The following SFRP5 variants were observed in gnomAD, a reference collection of about 807,000 sequenced individuals.
The protein encoded by SFRP5 is secreted frizzled related protein 5.
A neutral mutation model predicts 27.0 loss-of-function variants in SFRP5; 22 were observed. The ratio of observed to expected loss-of-function variants is 0.82; its 90% confidence interval spans 0.58 to 1.17. The LOEUF is 1.17. Ranked by LOEUF, SFRP5 falls within the 50% of genes most tolerant of loss-of-function variation. The pLI, the probability that SFRP5 is intolerant of heterozygous loss-of-function variation, is 0.00. For synonymous variants in SFRP5, 171 were observed against 195.0 expected (o/e 0.88, Z 1.03); for missense variants, 406 against 436.6 (o/e 0.93, Z 0.63).
In SFRP5 at chr10:97,767,364, G is replaced by A. The variant is rs2049490281; in HGVS notation, c.*150C>T. On this transcript the variant is annotated 3_prime_UTR_variant, in exon 3 of 3. Transcript: ENST00000266066. ...ACCCCAGGACCCCTGGGTCAAAAAG[G>A]ACAGCCTGGGCTCCGTGCCCATCCC... is the stretch of plus-strand genomic sequence containing the variant. The A allele has an allele frequency of 1.6e-6, 1 of 613,978 alleles. No homozygotes were observed. The highest frequency in any genetic ancestry group is 1.9e-5 in the African/African-American group (1 of 54,014). The allele number at this position is 613,978 out of a possible 1,614,324, so 38.0% of individuals were successfully genotyped here. A position where few individuals can be genotyped will look rare whatever the true frequency, so the allele number is the denominator to read the frequency against.
intron 1 of SFRP5, 44 bp from the exon 2 acceptor site, chr10:97,769,789 G>T (rs768384446): frequency 8.9e-6 from 13 of 1,457,360 alleles, no homozygotes; most frequent in South Asian, 1.2e-5. Flanking sequence ...AGTTGGTGAG[G>T]GGATTGGAGT....
chr10:97,767,688 G>T lies in SFRP5; in HGVS notation c.780C>A (p.Ser260Arg), dbSNP rs2049492836. ...CCATGACCAGGAAGCTGCCCGCCAG[G>T]CTGTCCAGCTGTGGGCAGGGGCAGC... ...GAGCPCPQLD[S>R]LAGSFLVMGR... Residue 260 changes from serine to arginine, a missense_variant, in exon 3 of 3, where the codon AGC becomes AGA. Physicochemically the swap from Ser to Arg is moderately radical, Grantham distance 110. Coordinates refer to ENST00000266066, the MANE Select transcript of SFRP5 (RefSeq NM_003015.3). 1 of 1,614,098 alleles carries T rather than the reference G, an allele frequency of 6.2e-7. No individual in the cohort carries two copies. The highest frequency in any genetic ancestry group is 2.2e-5 in the East Asian group (1 of 44,870).
chr10:97,770,994 G>A (rs1351485943), intron 1 of SFRP5, among the ~76,000 whole-genome samples: 1 of 152,142 alleles, frequency 6.6e-6, no homozygotes, highest in Non-Finnish European at 1.5e-5. Context: ...AGGATTGGGG[G>A]GACGGCATTG....
Position 97,771,185 on chromosome 10 carries a change from A to AGC in SFRP5, c.529+118_529+119dup, listed in dbSNP as rs2049512962. Reference sequence around the variant, plus strand: ...CGGGGACGCTGGGCTGAGCTAGGACAGCGTGTGTGTGTGTGTGTGGGCGGA... The same window carrying AGC: ...CGGGGACGCTGGGCTGAGCTAGGACAGCGCGTGTGTGTGTGTGTGTGGGCGGA... On this transcript the variant is annotated intron_variant, in intron 1 of 2. Transcript: ENST00000266066. This position sits in a 1 kb window ranked among gnomAD's most constrained non-coding sequence, Gnocchi z 5.2. The AGC allele has an allele frequency of 1.7e-6, 1 of 571,524 alleles. No individual in the cohort carries two copies. Among genetic ancestry groups the AGC allele is most frequent in the Non-Finnish European group, 2.9e-6 (1 of 345,056 alleles). The allele number at this position is 571,524 out of a possible 1,614,324, so 35.4% of individuals were successfully genotyped here.
chr10:97,768,439 C>T (rs1262932614), intron 2 of SFRP5, among the ~76,000 whole-genome samples: 2 of 152,198 alleles, frequency 1.3e-5, no homozygotes, highest in Admixed American at 1.3e-4. Context: ...GGACAGGGAG[C>T]CCTGCTTTGC....
At chr10:97,768,182 A>G (rs12269197) in intron 2 of SFRP5, among the ~76,000 whole-genome samples, 15,081 of 151,946 alleles carry the variant, frequency 0.099, 1,823 homozygotes, top group African/African-American at 0.29. Context: ...ATGGAGCAGC[A>G]TGTGGGGCTC....
Position 97,767,817 on chromosome 10 carries a change from GTCCCCATTC to G in SFRP5, c.642_650del (p.Glu214_Gly216del). The G allele has an allele frequency of 6.5e-7, 1 of 1,537,514 alleles. No homozygotes were observed. The highest frequency in any genetic ancestry group is 8.7e-7 in the Non-Finnish European group (1 of 1,146,868). Reference sequence around the variant, plus strand: ...TTTTCTGGGCTCCAATCAGCTTCCGGTCCCCATTCTCTATCTTGATCTCCTTGATGCGCA... The same window carrying G: ...TTTTCTGGGCTCCAATCAGCTTCCGGTCTATCTTGATCTCCTTGATGCGCA... On this transcript the variant is annotated inframe_deletion, in exon 3 of 3. Coordinates refer to ENST00000266066, the MANE Select transcript of SFRP5 (RefSeq NM_003015.3).
chr10:97,767,305 C>G lies in SFRP5; in HGVS notation c.*209G>C. ...AGGTCTTCACCCAGATGAAGAAGCC[C>G]TGCTCCTGAGAGAGGAAGCCCAACA... On this transcript the variant is annotated 3_prime_UTR_variant, in exon 3 of 3. Coordinates refer to ENST00000266066, the MANE Select transcript of SFRP5 (RefSeq NM_003015.3). The G allele has an allele frequency of 5.8e-6, 3 of 517,456 alleles. No homozygotes were observed. Among genetic ancestry groups the G allele is most frequent in the Non-Finnish European group, 1.0e-5 (3 of 295,894 alleles). 32.1% of individuals were successfully genotyped at this position (517,456 alleles called of 1,614,324 possible). A position where few individuals can be genotyped will look rare whatever the true frequency, so the allele number is the denominator to read the frequency against.
At position 97,771,907 on chromosome 10, in the gene SFRP5, T is replaced by C; in HGVS notation, c.-74A>G. The C allele has an allele frequency of 1.0e-6, 1 of 978,244 alleles. No individual in the cohort carries two copies. Among genetic ancestry groups the C allele is most frequent in the Non-Finnish European group, 1.2e-6 (1 of 820,760 alleles). 60.6% of individuals were successfully genotyped at this position (978,244 alleles called of 1,614,324 possible). ...GCCCGGCGGCCCAGGTGTTCCGGCG[T>C]GCGCCCCCGGCCCTGACTCTACCCA... On this transcript the variant is annotated 5_prime_UTR_variant, in exon 1 of 3. Coordinates refer to ENST00000266066, the MANE Select transcript of SFRP5 (RefSeq NM_003015.3). The surrounding 1 kb of genome is among the most constrained non-coding windows in gnomAD (Gnocchi z 5.2).
intron 2 of SFRP5, among the ~76,000 whole-genome samples, chr10:97,768,621 G>A (rs750350247): frequency 9.9e-5 from 15 of 152,174 alleles, no homozygotes; most frequent in Non-Finnish European, 1.9e-4. Flanking sequence ...GTGTGTTTGT[G>A]CTATGTTTAG....
In SFRP5 at chr10:97,769,737, T is replaced by A; in HGVS notation, c.538A>T (p.Ile180Phe). 1 of 1,613,450 alleles carries A rather than the reference T, an allele frequency of 6.2e-7. No homozygotes were observed. Among genetic ancestry groups the A allele is most frequent in the Non-Finnish European group, 8.5e-7 (1 of 1,179,708 alleles). Reference sequence around the variant, plus strand: ...TGCTCCATCTCACACTGGGCGCAGATCTTGGTCACTGAAGAGAGAAAGTGG... The same window carrying A: ...TGCTCCATCTCACACTGGGCGCAGAACTTGGTCACTGAAGAGAGAAAGTGG... ...LPATAPPVTKICAQCEMEHSA... is the reference protein window; with the variant it reads ...LPATAPPVTKFCAQCEMEHSA... Residue 180 changes from isoleucine (I) to phenylalanine (F), a missense_variant, in exon 2 of 3, where the codon ATC becomes TTC. Coordinates refer to ENST00000266066, the MANE Select transcript of SFRP5 (RefSeq NM_003015.3).
chr10:97,770,606 T>C (rs1445751602), intron 1 of SFRP5, among the ~76,000 whole-genome samples: 1 of 152,168 alleles, frequency 6.6e-6, no homozygotes, highest in African/African-American at 2.4e-5. Context: ...CTTCCTATTT[T>C]ATGGATGGGG....
rs952960115 is a variant in SFRP5 at position 97,771,256 on chromosome 10, G to A, written c.529+49C>T. On this transcript the variant is annotated intron_variant, in intron 1 of 2. Transcript: ENST00000266066. This position sits in a 1 kb window ranked among gnomAD's most constrained non-coding sequence, Gnocchi z 5.2. ...GGGGGGTTCGCAGAGCTGTGCTAGG[G>A]GAGCTGCAGGGCCGTCGGAGCGCGC... The A allele has an allele frequency of 2.4e-6, 3 of 1,269,760 alleles. No individual in the cohort carries two copies. The African/African-American group carries it at 4.5e-5, about 19-fold the overall frequency. 78.7% of individuals were successfully genotyped at this position (1,269,760 alleles called of 1,614,324 possible).
Position 97,771,066 on chromosome 10 carries a change from C to A in SFRP5, c.529+239G>T, listed in dbSNP as rs947380386. On this transcript the variant is annotated intron_variant, in intron 1 of 2. Coordinates refer to ENST00000266066, the MANE Select transcript of SFRP5 (RefSeq NM_003015.3). This position sits in a 1 kb window ranked among gnomAD's most constrained non-coding sequence, Gnocchi z 5.2. ...AGGGGTGCCAGGGGTTTCCAGGGAA[C>A]GAGAGCCAGAGGGAAGGTCTGGAGC... Among the ~76,000 whole-genome samples, 1 of 151,988 alleles carries A rather than the reference C, an allele frequency of 6.6e-6. No individual in the cohort carries two copies. The highest frequency in any genetic ancestry group is 2.4e-5 in the African/African-American group (1 of 41,350).
In SFRP5 at chr10:97,769,817, G is replaced by A. The variant is rs529542600; in HGVS notation, c.530-72C>T. ...ATTGGAGTTCCAAGAGCCACTTGGG[G>A]TGCAGGCTTCCTCACTGACCAGCCA... On this transcript the variant is annotated intron_variant, in intron 1 of 2. Transcript: ENST00000266066. 151 of 1,054,760 alleles carry A rather than the reference G, an allele frequency of 1.4e-4. No individual in the cohort carries two copies. The South Asian group carries it at 2.0e-3, about 14-fold the overall frequency. The allele number at this position is 1,054,760 out of a possible 1,614,324, so 65.3% of individuals were successfully genotyped here. A position where few individuals can be genotyped will look rare whatever the true frequency, so the allele number is the denominator to read the frequency against.
At position 97,767,196 on chromosome 10, in the gene SFRP5, C is replaced by A; in HGVS notation, c.*318G>T. 4.0e-6 allele frequency: 1 copy of A among 253,060 alleles called. No individual in the cohort carries two copies. The highest frequency in any genetic ancestry group is 7.5e-6 in the Non-Finnish European group (1 of 133,152). The allele number at this position is 253,060 out of a possible 1,614,324, so 15.7% of individuals were successfully genotyped here. A position where few individuals can be genotyped will look rare whatever the true frequency, so the allele number is the denominator to read the frequency against. On this transcript the variant is annotated 3_prime_UTR_variant, in exon 3 of 3. Transcript: ENST00000266066. The stretch of plus-strand genomic sequence containing the variant: ...GAGCTGGAGCTGACACCACCTTCTA[C>A]TCTGAAACCTCCGCCTCAGGGTGCC...
chr10:97,771,568 G>A lies in SFRP5; in HGVS notation c.266C>T (p.Ala89Val), dbSNP rs1374548710. ...GGCCAGCAGCGGCAGCCAGCTGCTCGCCTGCTGCTTCACTTCGGCCAGGCT... is the reference window on the plus strand; with the variant it reads ...GGCCAGCAGCGGCAGCCAGCTGCTCACCTGCTGCTTCACTTCGGCCAGGCT... ...HESLAEVKQQ[A>V]SSWLPLLAKR... The change falls in exon 1 of 3, where the codon GCG becomes GTG. Residue 89 changes from alanine to valine, a missense_variant. Physicochemically the swap from Ala to Val is moderately conservative, Grantham distance 64 (BLOSUM62 0). Transcript: ENST00000266066. The surrounding 1 kb of genome is among the most constrained non-coding windows in gnomAD (Gnocchi z 5.2). 3 of 1,611,514 alleles carry A rather than the reference G, an allele frequency of 1.9e-6. No individual in the cohort carries two copies. Among genetic ancestry groups the A allele is most frequent in the Non-Finnish European group, 2.5e-6 (3 of 1,178,710 alleles).
At chr10:97,769,530 G>A in intron 2 of SFRP5, 138 bp downstream of exon 2, 1 of 641,054 alleles carries the variant, frequency 1.6e-6, no homozygotes. Flanking sequence ...GGTTATAATT[G>A]GCTTCTAAAC....
Position 97,767,877 on chromosome 10 carries a change from CA to C in SFRP5, c.608-18del, listed in dbSNP as rs1564848325. On this transcript the variant is annotated intron_variant, in intron 2 of 2. Transcript: ENST00000266066. ...TTTTGACCACTGTGGGAAGAAAGGA[CA>C]GGGGCAAGTTGGGAATGGTCAGATC... The C allele has an allele frequency of 4.0e-6, 6 of 1,511,712 alleles. No individual in the cohort carries two copies. Among genetic ancestry groups the C allele is most frequent in the South Asian group, 1.3e-5 (1 of 74,636 alleles). The allele number at this position is 1,511,712 out of a possible 1,614,324, so 93.6% of individuals were successfully genotyped here.
Sources: gnomAD v4.1 joint callset for allele counts (sites outside exome capture counted in the v4.1 genomes callset) on GRCh38, gnomAD v4.1.1 for gene constraint, Gnocchi (gnomAD v3.1) non-coding constraint, MANE v1.5 for transcripts, NCBI Gene and HGNC (gene_info 2026-07-23, HGNC 2026-07-21) for gene names.